TNIK: variants seen among roughly 807,000 people sequenced by gnomAD.
TNIK encodes the protein TRAF2 and NCK-interacting protein kinase.
Under a neutral mutation model 191.3 loss-of-function variants are expected in TNIK, and 49 were observed. The observed-to-expected ratio is 0.26, with a 90% CI of 0.20 to 0.32. TNIK has a LOEUF of 0.32. Among genes scored for constraint, TNIK ranks in the 10% least tolerant of loss-of-function variants. TNIK has a pLI of 1.00. For synonymous variants in TNIK, 594 were observed against 600.9 expected (o/e 0.99, Z 0.17); for missense variants, 1,155 against 1,702.3 (o/e 0.68, Z 5.66).
intron 9 of TNIK, 117 bp from the exon 10 acceptor site, chr3:171,167,387 G>T: frequency 1.6e-6 from 2 of 1,258,790 alleles, no homozygotes; most frequent in Admixed American, 2.5e-5. Context: ...GCTGGCATAG[G>T]GATCATCCAC....
intron 7 of TNIK, among the ~76,000 whole-genome samples, chr3:171,186,306 G>A (rs1461845467): frequency 6.6e-6 from 1 of 152,182 alleles, no homozygotes; most frequent in East Asian, 1.9e-4. Context: ...CAGTAAAACT[G>A]TATAAGTGGA....
intron 27 of TNIK, among the ~76,000 whole-genome samples, chr3:171,081,568 A>T (rs1340724008): frequency 1.4e-5 from 2 of 147,722 alleles, no homozygotes; most frequent in Non-Finnish European, 3.0e-5. Flanking sequence ...ATGGAATGAG[A>T]GGGGAAGTGA....
chr3:171,117,242 A>G (rs571540238), intron 18 of TNIK, among the ~76,000 whole-genome samples: 17 of 152,330 alleles, frequency 1.1e-4, no homozygotes, highest in African/African-American at 3.8e-4. Context: ...TGTGTCAGTC[A>G]AGAAATCAAG....
At chr3:171,084,469 T>G (rs1021769781) in intron 25 of TNIK, 144 bp from the exon 26 acceptor site, 2 of 838,210 alleles carry the variant, frequency 2.4e-6, no homozygotes, top group African/African-American at 3.5e-5. Context: ...TATTTTACAC[T>G]TTTTTTTTGT....
chr3:171,185,326 C>A (rs1424629340), intron 7 of TNIK, among the ~76,000 whole-genome samples: 1 of 151,820 alleles, frequency 6.6e-6, no homozygotes, highest in Non-Finnish European at 1.5e-5. Flanking sequence ...ATACACAGGA[C>A]TATAAAATGC....
intron 4 of TNIK, among the ~76,000 whole-genome samples, chr3:171,195,289 G>A (rs1385804666): frequency 6.6e-6 from 1 of 152,038 alleles, no homozygotes; most frequent in African/African-American, 2.4e-5. Flanking sequence ...TACTCAATGG[G>A]GATGTAGAGA....
rs1209309860 is a variant in TNIK, at chr3:171,167,084, G to A, written c.949+11C>T. On this transcript the variant is annotated intron_variant, in intron 10 of 32. Transcript: ENST00000436636. ...TTGTTTCTGCTGCTGAAATACAAAT[G>A]TGCGTCTAACCTTTTTCTCCTCGCT... The A allele has an allele frequency of 3.7e-6, 6 of 1,606,008 alleles. 1 individual carries two copies. The highest frequency in any genetic ancestry group is 3.4e-5 in the Admixed American group (2 of 59,360).
intron 1 of TNIK, among the ~76,000 whole-genome samples, chr3:171,442,735 C>T (rs1460582528): frequency 6.6e-6 from 1 of 152,044 alleles, no homozygotes; most frequent in East Asian, 1.9e-4. Context: ...GGTCAGGTTC[C>T]AGCAGATTTC....
chr3:171,092,035 T>G (rs1722141568), intron 23 of TNIK, among the ~76,000 whole-genome samples: 2 of 151,492 alleles, frequency 1.3e-5, no homozygotes, highest in Admixed American at 1.3e-4. Context: ...CTGCAACCTC[T>G]GCCTCCCGGG....
intron 1 of TNIK, among the ~76,000 whole-genome samples, chr3:171,374,062 T>C (rs546911314): frequency 6.6e-6 from 1 of 152,332 alleles, no homozygotes; most frequent in South Asian, 2.1e-4. Flanking sequence ...CTGCTAGATA[T>C]AACTATTTAC....
At chr3:171,424,936 A>T (rs1306002455) in intron 1 of TNIK, among the ~76,000 whole-genome samples, 1 of 151,974 alleles carries the variant, frequency 6.6e-6, no homozygotes. Context: ...ATATATATGT[A>T]ACAAACCTGC....
chr3:171,334,063 T>C (rs1418609876), intron 2 of TNIK, among the ~76,000 whole-genome samples: 1 of 152,066 alleles, frequency 6.6e-6, no homozygotes, highest in African/African-American at 2.4e-5. Flanking sequence ...AACAAAAGTA[T>C]CTGACTGAGG....
chr3:171,167,922 CAT>C (rs1471593897), intron 9 of TNIK, among the ~76,000 whole-genome samples: 2 of 152,146 alleles, frequency 1.3e-5, no homozygotes, highest in African/African-American at 4.8e-5. Context: ...GGAATAAGAA[CAT>C]ATAAGTATAT....
At chr3:171,448,518 T>C (rs1029199618) in intron 1 of TNIK, among the ~76,000 whole-genome samples, 4 of 152,004 alleles carry the variant, frequency 2.6e-5, no homozygotes, top group African/African-American at 4.8e-5. Context: ...CATTGGTTGA[T>C]GGACACTTGG....
intron 4 of TNIK, among the ~76,000 whole-genome samples, chr3:171,207,076 C>T (rs915677914): frequency 6.6e-6 from 1 of 151,862 alleles, no homozygotes; most frequent in Non-Finnish European, 1.5e-5. Context: ...AAACACCTTT[C>T]TACAGACAAC....
chr3:171,315,657 A>G (rs1754520809), intron 2 of TNIK, among the ~76,000 whole-genome samples: 1 of 152,144 alleles, frequency 6.6e-6, no homozygotes, highest in South Asian at 2.1e-4. Flanking sequence ...TGAAGAAGAA[A>G]CAGTTCCATG....
intron 7 of TNIK, among the ~76,000 whole-genome samples, chr3:171,182,866 A>T (rs1374805569): frequency 6.6e-6 from 1 of 152,234 alleles, no homozygotes. Flanking sequence ...CTGCAGCCAG[A>T]CCCAACTGTG....
chr3:171,133,339 A>AGAT (rs1316123552), intron 15 of TNIK, among the ~76,000 whole-genome samples: 1 of 152,250 alleles, frequency 6.6e-6, no homozygotes, highest in Non-Finnish European at 1.5e-5. Flanking sequence ...GTGGGTGAAG[A>AGAT]GATAGGCGAC....
intron 1 of TNIK, among the ~76,000 whole-genome samples, chr3:171,423,625 C>T (rs1022106797): frequency 1.2e-4 from 18 of 152,156 alleles, no homozygotes; most frequent in East Asian, 9.6e-4. Context: ...GTACTGGTAC[C>T]GAAACAGAGA....
Sources: allele counts gnomAD v4.1 joint callset (sites outside exome capture counted in the v4.1 genomes callset), GRCh38; gene constraint gnomAD v4.1.1; transcripts MANE v1.5; gene names NCBI Gene and HGNC (gene_info 2026-07-23, HGNC 2026-07-21).